GARRE1: variants seen among roughly 807,000 people sequenced by gnomAD.
GARRE1 encodes granule associated Rac and RHOG effector protein 1.
In GARRE1, 49 loss-of-function variants were observed where a neutral mutation model predicts 103.2. The observed-to-expected ratio is 0.47, with a 90% confidence interval of 0.38 to 0.60. The LOEUF is 0.60. Among genes scored for constraint, GARRE1 ranks in the 20% least tolerant of loss-of-function variants. The probability of loss-of-function intolerance (pLI) is 0.00; values close to 1 mark genes in which losing one functional copy is unlikely to be tolerated. For synonymous variants in GARRE1, 505 were observed against 532.8 expected (o/e 0.95, Z 0.72); for missense variants, 1,199 against 1,370.5 (o/e 0.87, Z 1.98).
intron 2 of GARRE1, among the ~76,000 whole-genome samples, chr19:34,309,036 A>G (rs911259003): frequency 6.6e-6 from 1 of 152,052 alleles, no homozygotes; most frequent in African/African-American, 2.4e-5. Context: ...CAAGAACCGC[A>G]CAACACATCT....
At chr19:34,257,612 T>C (rs76976287) in intron 1 of GARRE1, among the ~76,000 whole-genome samples, 71 of 152,328 alleles carry the variant, frequency 4.7e-4, no homozygotes, top group African/African-American at 1.2e-3. Context: ...TTTGGAGTTA[T>C]TGAAAAGCAG....
chr19:34,309,471 C>G (rs2074027037), intron 2 of GARRE1, among the ~76,000 whole-genome samples: 1 of 152,124 alleles, frequency 6.6e-6, no homozygotes, highest in Non-Finnish European at 1.5e-5. Context: ...ATGGTAAAAG[C>G]ATGGCAAAAT....
chr19:34,300,955 T>A lies in GARRE1; in HGVS notation c.482T>A (p.Leu161His). ...ANFTDQKEFS[L>H]QDIEVLGRCF... ...TTTACGGATCAGAAGGAATTCAGTC[T>A]CCAGGACATTGAGGTAGAGTATCTT... Residue 161 changes from leucine (L) to histidine (H), a missense_variant, in exon 2 of 14, where the codon CTC (leucine) becomes CAC (histidine). Coordinates refer to ENST00000299505, the MANE Select transcript of GARRE1 (RefSeq NM_014686.5). The A allele has an allele frequency of 6.3e-7, 1 of 1,599,358 alleles. No individual in the cohort carries two copies. Among genetic ancestry groups the A allele is most frequent in the East Asian group, 2.2e-5 (1 of 44,812 alleles).
At chr19:34,277,507 C>T (rs764418000) in intron 1 of GARRE1, among the ~76,000 whole-genome samples, 1 of 152,076 alleles carries the variant, frequency 6.6e-6, no homozygotes, top group South Asian at 2.1e-4. Context: ...GTAAGTAATT[C>T]GCTAGATATA....
At chr19:34,352,548 C>A in intron 13 of GARRE1, 99 bp from the exon 14 acceptor site, 1 of 999,674 alleles carries the variant, frequency 1.0e-6, no homozygotes, top group Non-Finnish European at 1.5e-6. Flanking sequence ...GGGCTCTCAC[C>A]CGGCTTCCTA....
intron 1 of GARRE1, among the ~76,000 whole-genome samples, chr19:34,285,577 C>T (rs190445629): frequency 1.3e-5 from 2 of 152,084 alleles, no homozygotes; most frequent in East Asian, 1.9e-4. Flanking sequence ...GAGCCGAGAT[C>T]GCACCACTGC....
At chr19:34,348,967 T>C (rs1470291588) in intron 11 of GARRE1, 49 bp from the exon 12 acceptor site, 1 of 1,599,002 alleles carries the variant, frequency 6.3e-7, no homozygotes, top group South Asian at 1.1e-5. Context: ...GGGTGGCGGG[T>C]GGTGGGGCTG....
Position 34,327,981 on chromosome 19 carries a change from C to G in GARRE1, c.943-9C>G, listed in dbSNP as rs1166825742. ...GTCACCTCTCCTCTTCCATCCATGC[C>G]TTTTCCAGGGCTGCTGCAGCGAGGC... On this transcript the variant is annotated splice_polypyrimidine_tract_variant and intron_variant, in intron 5 of 13. Transcript: ENST00000299505. The G allele has an allele frequency of 3.1e-6, 5 of 1,614,132 alleles. No homozygotes were observed. Among genetic ancestry groups the G allele is most frequent in the Non-Finnish European group, 3.4e-6 (4 of 1,180,028 alleles).
chr19:34,338,793 C>T lies in GARRE1; in HGVS notation c.1362-1074C>T, dbSNP rs144153691. 3.2e-3 allele frequency among the ~76,000 whole-genome samples: 490 copies of T among 152,198 alleles called. 1 individual carries two copies. The highest frequency in any genetic ancestry group is 3.7e-3 in the Non-Finnish European group (254 of 67,996). On this transcript the variant is annotated intron_variant, in intron 8 of 13. Coordinates refer to ENST00000299505, the MANE Select transcript of GARRE1 (RefSeq NM_014686.5). Reference sequence around the variant, plus strand: ...GAGGGTTTAGATTTTATTTCAATCACGATGATATCCCATTGAAGAGTTTTA... The same window carrying T: ...GAGGGTTTAGATTTTATTTCAATCATGATGATATCCCATTGAAGAGTTTTA...
intron 7 of GARRE1, among the ~76,000 whole-genome samples, chr19:34,332,394 G>C (rs2074141827): frequency 6.6e-6 from 1 of 152,046 alleles, no homozygotes; most frequent in Non-Finnish European, 1.5e-5. Flanking sequence ...CCCCTGAAAG[G>C]AGTATGCAAA....
chr19:34,261,942 C>T (rs2073720910), intron 1 of GARRE1, among the ~76,000 whole-genome samples: 1 of 152,076 alleles, frequency 6.6e-6, no homozygotes, highest in African/African-American at 2.4e-5. Context: ...AGGTACTTAC[C>T]TCTGGTATGT....
At chr19:34,258,567 G>A (rs899137268) in intron 1 of GARRE1, among the ~76,000 whole-genome samples, 3 of 151,710 alleles carry the variant, frequency 2.0e-5, no homozygotes, top group Admixed American at 1.3e-4. Context: ...AGCGGATCAC[G>A]AGGTCAGGAG....
At chr19:34,257,575 G>A (rs1197528322) in intron 1 of GARRE1, among the ~76,000 whole-genome samples, 5 of 152,114 alleles carry the variant, frequency 3.3e-5, no homozygotes, top group Admixed American at 3.3e-4. Context: ...GCAAAAAAAT[G>A]TTGGTTTAGA....
rs2074126278 is a variant in GARRE1, at chr19:34,329,180, A to C, written c.1105-1009A>C. 3.3e-5 allele frequency among the ~76,000 whole-genome samples: 5 copies of C among 152,232 alleles called. No homozygotes were observed. The South Asian group carries it at 1.0e-3, about 31-fold the overall frequency. ...TGGCCCACCTGCCACATGGGAACTG[A>C]TACCCAAGGTCACACAGCTAGAAAG... On this transcript the variant is annotated intron_variant, in intron 6 of 13. Transcript: ENST00000299505.
At chr19:34,329,872 G>T (rs1191506128) in intron 6 of GARRE1, among the ~76,000 whole-genome samples, 1 of 152,016 alleles carries the variant, frequency 6.6e-6, no homozygotes, top group African/African-American at 2.4e-5. Flanking sequence ...TTTCCCAGGA[G>T]TTCAAGACTA....
In GARRE1 at chr19:34,300,315, C is replaced by T. The variant is rs2073970199; in HGVS notation, c.-159C>T. ...AATTATATAAACCTGTTGTCTCTCA[C>T]CTCTACATTGGATCACATGGTCACC... On this transcript the variant is annotated 5_prime_UTR_variant, in exon 2 of 14. Transcript: ENST00000299505. 1 of 694,058 alleles carries T rather than the reference C, an allele frequency of 1.4e-6. No individual in the cohort carries two copies. Among genetic ancestry groups the T allele is most frequent in the Non-Finnish European group, 2.3e-6 (1 of 426,824 alleles). The allele number at this position is 694,058 out of a possible 1,614,324, so 43.0% of individuals were successfully genotyped here.
At chr19:34,306,960 G>C (rs1015979668) in intron 2 of GARRE1, among the ~76,000 whole-genome samples, 1 of 152,014 alleles carries the variant, frequency 6.6e-6, no homozygotes, top group African/African-American at 2.4e-5. Context: ...GGTGACATTC[G>C]AGTAAAGGCC....
intron 1 of GARRE1, among the ~76,000 whole-genome samples, chr19:34,298,094 C>T (rs773489154): frequency 3.9e-5 from 6 of 152,058 alleles, no homozygotes; most frequent in Non-Finnish European, 8.8e-5. Context: ...AATAAGTAGA[C>T]GAAACTATAT....
At chr19:34,256,814 T>C (rs1287827668) in intron 1 of GARRE1, among the ~76,000 whole-genome samples, 1 of 152,234 alleles carries the variant, frequency 6.6e-6, no homozygotes, top group African/African-American at 2.4e-5. Flanking sequence ...TTTCACAGTA[T>C]CTTCACAATA....
Sources: gnomAD v4.1 joint callset for allele counts (sites outside exome capture counted in the v4.1 genomes callset) on GRCh38, gnomAD v4.1.1 for gene constraint, MANE v1.5 for transcripts, NCBI Gene and HGNC (gene_info 2026-07-23, HGNC 2026-07-21) for gene names.